Variants in WDR72 observed in about 807,000 individuals in gnomAD.
WDR72 encodes WD repeat domain 72.
WDR72 carries 120 observed loss-of-function variants against 124.2 expected under a neutral mutation model. The ratio of observed to expected loss-of-function variants is 0.97; its 90% CI spans 0.83 to 1.12. The LOEUF (loss-of-function observed/expected upper bound fraction) is 1.12, where lower values mean the gene tolerates loss of function less well. Among genes scored for constraint, WDR72 ranks in the 50% most tolerant of loss-of-function variants. The pLI, the probability that WDR72 is intolerant of heterozygous loss-of-function variation, is 0.00. For missense variants in WDR72, 1,387 were observed against 1,278.8 expected, an observed-to-expected ratio of 1.08 and a Z score of -1.29; for synonymous variants, 452 against 441.7, an observed-to-expected ratio of 1.02 and a Z score of -0.29.
chr15:53,745,932 G>A (rs1183864862), intron 1 of WDR72, among the ~76,000 whole-genome samples: 1 of 152,130 alleles, frequency 6.6e-6, no homozygotes, highest in African/African-American at 2.4e-5. Flanking sequence ...TTGCAAAGAT[G>A]CCCTTGTCTT....
intron 9 of WDR72, among the ~76,000 whole-genome samples, chr15:53,708,765 C>T (rs764573435): frequency 5.3e-5 from 8 of 152,130 alleles, no homozygotes; most frequent in Non-Finnish European, 1.0e-4. Flanking sequence ...CTGTTTCTAT[C>T]CCAGCTATTC....
intron 14 of WDR72, among the ~76,000 whole-genome samples, chr15:53,649,653 T>C (rs149863315): frequency 1.1e-3 from 166 of 152,168 alleles, no homozygotes; most frequent in Admixed American, 3.3e-3. Flanking sequence ...AAAAAAGATA[T>C]ACAAATGGTC....
chr15:53,678,892 A>T (rs1355892315), intron 13 of WDR72, among the ~76,000 whole-genome samples: 1 of 152,242 alleles, frequency 6.6e-6, no homozygotes, highest in Non-Finnish European at 1.5e-5. Context: ...GAGCCAAAAG[A>T]TGGAAGCAAC....
At chr15:53,665,796 G>A in intron 13 of WDR72, 28 bp from the exon 14 acceptor site, 1 of 1,603,344 alleles carries the variant, frequency 6.2e-7, no homozygotes, top group South Asian at 1.1e-5. Context: ...AGGTAAAAAT[G>A]TCAGGAAAAT....
intron 1 of WDR72, chr15:53,759,154 G>T (rs2140908098): frequency 6.6e-6 from 1 of 151,912 alleles, no homozygotes; most frequent in East Asian, 2.0e-4. Context: ...CCCTGCCCTT[G>T]AACTCAGCTT....
chr15:53,563,882 A>C (rs1346715431), intron 18 of WDR72, among the ~76,000 whole-genome samples: 1 of 151,782 alleles, frequency 6.6e-6, no homozygotes, highest in African/African-American at 2.4e-5. Flanking sequence ...GTGCATCAGC[A>C]ATCTTGGGCT....
At chr15:53,618,310 CTTA>C (rs2013850306) in intron 14 of WDR72, among the ~76,000 whole-genome samples, 1 of 151,970 alleles carries the variant, frequency 6.6e-6, no homozygotes, top group South Asian at 2.1e-4. Flanking sequence ...ACATCTCCCA[CTTA>C]TTTAGACCAT....
intron 18 of WDR72, among the ~76,000 whole-genome samples, chr15:53,595,715 T>C (rs966046720): frequency 6.6e-6 from 1 of 152,142 alleles, no homozygotes; most frequent in Non-Finnish European, 1.5e-5. Context: ...AATGCAAATG[T>C]AGTCACTCAA....
chr15:53,656,812 GAACC>G lies in WDR72; in HGVS notation c.1962+8756_1962+8759del, dbSNP rs10572489. On this transcript the variant is annotated intron_variant, in intron 14 of 19. Transcript: ENST00000360509. Reference sequence around the variant, plus strand: ...GTAACATTTATAATCATTTTAATCAGAACCAACAAGTTTGCTCAATAACAGAGCA... The same window carrying G: ...GTAACATTTATAATCATTTTAATCAGAACAAGTTTGCTCAATAACAGAGCA... Among the ~76,000 whole-genome samples, 1,482 of 151,832 alleles carry G rather than the reference GAACC, an allele frequency of 9.8e-3. 36 individuals carry two copies. The highest frequency in any genetic ancestry group is 0.035 in the African/African-American group (1,427 of 41,354).
intron 14 of WDR72, among the ~76,000 whole-genome samples, chr15:53,639,572 TG>T (rs2014769041): frequency 6.8e-6 from 1 of 147,712 alleles, no homozygotes; most frequent in Admixed American, 6.8e-5. Context: ...TTATATATAA[TG>T]TTATAAATTA....
At chr15:53,761,156 A>C (rs902569249), upstream of WDR72, among the ~76,000 whole-genome samples, 1 of 152,196 alleles carries the variant, frequency 6.6e-6, no homozygotes, top group Non-Finnish European at 1.5e-5. Flanking sequence ...AATAGGCAAA[A>C]GACCCAAAAA....
intron 18 of WDR72, among the ~76,000 whole-genome samples, chr15:53,589,879 C>T (rs2012411075): frequency 6.6e-6 from 1 of 151,926 alleles, no homozygotes; most frequent in Non-Finnish European, 1.5e-5. Context: ...ATCAGTCTTT[C>T]TAAGGTGATG....
chr15:53,569,494 GA>G (rs571403746), intron 18 of WDR72, among the ~76,000 whole-genome samples: 33 of 152,130 alleles, frequency 2.2e-4, no homozygotes, highest in African/African-American at 7.5e-4. Flanking sequence ...TGAATACAGA[GA>G]TAAGATTGAA....
At chr15:53,707,398 C>G (rs2017411211) in intron 9 of WDR72, among the ~76,000 whole-genome samples, 1 of 151,864 alleles carries the variant, frequency 6.6e-6, no homozygotes, top group Admixed American at 6.6e-5. Flanking sequence ...CCCTATAGTC[C>G]CAAGAAATAA....
intron 14 of WDR72, among the ~76,000 whole-genome samples, chr15:53,632,945 C>G (rs887580413): frequency 6.6e-5 from 10 of 152,142 alleles, no homozygotes; most frequent in Non-Finnish European, 1.3e-4. Flanking sequence ...AAGGGAAGAG[C>G]CTTGTCTCAG....
At chr15:53,715,696 C>G (rs924898305) in intron 4 of WDR72, among the ~76,000 whole-genome samples, 4 of 152,080 alleles carry the variant, frequency 2.6e-5, no homozygotes, top group Admixed American at 2.6e-4. Context: ...GTGGTTCATG[C>G]CTATAATCCC....
chr15:53,618,424 T>A (rs2013855230), intron 14 of WDR72, among the ~76,000 whole-genome samples: 1 of 152,046 alleles, frequency 6.6e-6, no homozygotes, highest in Non-Finnish European at 1.5e-5. Flanking sequence ...ATGGGCCTCT[T>A]AAAATTTATT....
chr15:53,740,923 G>A (rs2018492379), intron 1 of WDR72, among the ~76,000 whole-genome samples: 1 of 152,144 alleles, frequency 6.6e-6, no homozygotes, highest in South Asian at 2.1e-4. Flanking sequence ...CACACAGTGT[G>A]GAGCAGAGAG....
intron 17 of WDR72, among the ~76,000 whole-genome samples, chr15:53,599,429 A>C (rs1481400263): frequency 6.6e-6 from 1 of 152,156 alleles, no homozygotes; most frequent in African/African-American, 2.4e-5. Context: ...CCACAAATCC[A>C]ACCTTTGACA....
Sources: gnomAD v4.1 joint callset for allele counts (sites outside exome capture counted in the v4.1 genomes callset) on GRCh38, gnomAD v4.1.1 for gene constraint, MANE v1.5 for transcripts, NCBI Gene and HGNC (gene_info 2026-07-23, HGNC 2026-07-21) for gene names.